Variants in PLEKHA7 observed in about 807,000 individuals in gnomAD.
PLEKHA7 encodes pleckstrin homology domain-containing family A member 7.
PLEKHA7 carries 104 observed loss-of-function variants against 170.0 expected under a neutral mutation model. The ratio of observed to expected loss-of-function variants is 0.61; its 90% CI spans 0.52 to 0.72. The LOEUF is 0.72. PLEKHA7 is among the 30% of genes least tolerant of loss of function. The pLI, the probability that PLEKHA7 is intolerant of heterozygous loss-of-function variation, is 0.00. For synonymous variants in PLEKHA7, 648 were observed against 660.8 expected (o/e 0.98, Z 0.30); for missense variants, 1,615 against 1,671.7 (o/e 0.97, Z 0.59).
chr11:16,962,857 A>G (rs775844295), intron 3 of PLEKHA7, among the ~76,000 whole-genome samples: 18 of 152,208 alleles, frequency 1.2e-4, no homozygotes, highest in Admixed American at 3.9e-4. Flanking sequence ...AACAACAACA[A>G]CAACAAAAAG....
chr11:16,780,650 C>T (rs189985232), intron 26 of PLEKHA7, among the ~76,000 whole-genome samples: 1 of 152,342 alleles, frequency 6.6e-6, no homozygotes, highest in Non-Finnish European at 1.5e-5. Flanking sequence ...GGGTGCCCTA[C>T]TGAGGAGAGC....
At chr11:16,905,017 C>T (rs1425156255) in intron 3 of PLEKHA7, among the ~76,000 whole-genome samples, 1 of 152,112 alleles carries the variant, frequency 6.6e-6, no homozygotes, top group Non-Finnish European at 1.5e-5. Context: ...CTTTGGAAGG[C>T]CAAAGTGGCA....
chr11:16,851,410 A>T (rs381163), intron 7 of PLEKHA7, 119 bp from the exon 8 acceptor site: 1 of 551,922 alleles, frequency 1.8e-6, no homozygotes, highest in African/African-American at 1.9e-5. Context: ...CCATCCTCCC[A>T]CAACCCACAC....
intron 4 of PLEKHA7, among the ~76,000 whole-genome samples, chr11:16,870,311 A>T (rs1590403434): frequency 6.6e-6 from 1 of 151,818 alleles, no homozygotes; most frequent in South Asian, 2.1e-4. Context: ...CCACACACAC[A>T]CTACACACAC....
chr11:16,803,011 C>T lies in PLEKHA7; in HGVS notation c.2118G>A (p.Gln706=). 7 of 1,614,202 alleles carry T rather than the reference C, an allele frequency of 4.3e-6. No homozygotes were observed. The highest frequency in any genetic ancestry group is 4.2e-6 in the Non-Finnish European group (5 of 1,180,034). Reference sequence around the variant, plus strand: ...GGGCTCGTATCTTGTCTTCCAAGTCCTGGAGGACCCTGTCTTGTTCACAGA... The same window carrying T: ...GGGCTCGTATCTTGTCTTCCAAGTCTTGGAGGACCCTGTCTTGTTCACAGA... ...SIFCEQDRVL[Q]DLEDKIRALK... Residue 706 remains glutamine, a synonymous_variant, in exon 15 of 27, where the codon CAG becomes CAA. Coordinates refer to ENST00000531066, the MANE Select transcript of PLEKHA7 (RefSeq NM_001329630.2).
At chr11:16,924,796 C>A (rs550444212) in intron 3 of PLEKHA7, among the ~76,000 whole-genome samples, 2 of 152,348 alleles carry the variant, frequency 1.3e-5, no homozygotes, top group East Asian at 3.9e-4. Context: ...CAGATTTCCT[C>A]TCTCCAGCTT....
intron 3 of PLEKHA7, among the ~76,000 whole-genome samples, chr11:16,924,148 G>C (rs1248900412): frequency 6.6e-6 from 1 of 152,030 alleles, no homozygotes; most frequent in Non-Finnish European, 1.5e-5. Flanking sequence ...AGGACACCTT[G>C]TACAACTATC....
chr11:16,826,386 G>A lies in PLEKHA7; in HGVS notation c.1077C>T (p.Ser359=). ...CTGGCGAGTACGGAGACCTGGCCTT[G>A]CTCCGGTCCCGCTTGCCCTCCAGTG... ...RDPLEGKRDR[S]KARSPYSPAE... The change falls in exon 10 of 27, where the codon AGC becomes AGT. Residue 359 remains serine, a synonymous_variant. Transcript: ENST00000531066. 1 of 1,614,242 alleles carries A rather than the reference G, an allele frequency of 6.2e-7. No homozygotes were observed. The highest frequency in any genetic ancestry group is 8.5e-7 in the Non-Finnish European group (1 of 1,180,052).
At chr11:16,946,753 C>A (rs1202604063) in intron 3 of PLEKHA7, among the ~76,000 whole-genome samples, 1 of 152,058 alleles carries the variant, frequency 6.6e-6, no homozygotes, top group Non-Finnish European at 1.5e-5. Flanking sequence ...TCTTAATGAG[C>A]TTTCTGTTAG....
In PLEKHA7 at chr11:16,852,148, G is replaced by A. The variant is rs959607746; in HGVS notation, c.595+135C>T. 5.6e-6 allele frequency: 4 copies of A among 713,836 alleles called. No individual in the cohort carries two copies. In the South Asian group the frequency reaches 8.6e-5, roughly 15 times the overall value. 44.2% of individuals were successfully genotyped at this position (713,836 alleles called of 1,614,324 possible). A position where few individuals can be genotyped will look rare whatever the true frequency, so the allele number is the denominator to read the frequency against. ...TGAATCCTGAGACCCTTAGTAGCAGGCAAACTGGATTCTATTTATTTTAAC... is the reference window on the plus strand; with the variant it reads ...TGAATCCTGAGACCCTTAGTAGCAGACAAACTGGATTCTATTTATTTTAAC... On this transcript the variant is annotated intron_variant, in intron 7 of 26. Coordinates refer to ENST00000531066, the MANE Select transcript of PLEKHA7 (RefSeq NM_001329630.2).
intron 3 of PLEKHA7, among the ~76,000 whole-genome samples, chr11:16,873,112 G>C (rs894207147): frequency 2.6e-5 from 4 of 152,126 alleles, no homozygotes; most frequent in African/African-American, 7.2e-5. Flanking sequence ...CTAGTACAGA[G>C]AGTTAAAATG....
chr11:16,985,143 C>T lies in PLEKHA7; in HGVS notation c.221+28846G>A, dbSNP rs74882542. On this transcript the variant is annotated intron_variant, in intron 3 of 26. Coordinates refer to ENST00000531066, the MANE Select transcript of PLEKHA7 (RefSeq NM_001329630.2). ...CCTTCAGAAGCCCTTGAGGCAGATGCCTCTGCCTCATTCATCTAAGAATGC... is the reference window on the plus strand; with the variant it reads ...CCTTCAGAAGCCCTTGAGGCAGATGTCTCTGCCTCATTCATCTAAGAATGC... Among the ~76,000 whole-genome samples, 911 of 152,350 alleles carry T rather than the reference C, an allele frequency of 6.0e-3. 9 individuals are homozygous for T. Among genetic ancestry groups the T allele is most frequent in the Middle Eastern group, 0.02 (6 of 294 alleles).
chr11:16,853,461 T>C (rs377114082), intron 6 of PLEKHA7, among the ~76,000 whole-genome samples: 58 of 152,354 alleles, frequency 3.8e-4, no homozygotes, highest in African/African-American at 1.3e-3. Context: ...TATGCTTCCA[T>C]GCCTGGTTCA....
At chr11:16,967,182 A>C (rs1232072371) in intron 3 of PLEKHA7, among the ~76,000 whole-genome samples, 2 of 152,214 alleles carry the variant, frequency 1.3e-5, no homozygotes, top group African/African-American at 2.4e-5. Flanking sequence ...GTTAAATTTC[A>C]GCTCAACAAC....
At chr11:17,010,564 C>A (rs1865265899) in intron 3 of PLEKHA7, among the ~76,000 whole-genome samples, 1 of 152,098 alleles carries the variant, frequency 6.6e-6, no homozygotes, top group African/African-American at 2.4e-5. Context: ...TATGATTGCA[C>A]CACTGCACTC....
chr11:16,902,393 C>T (rs905149942), intron 3 of PLEKHA7, among the ~76,000 whole-genome samples: 16 of 152,196 alleles, frequency 1.1e-4, no homozygotes, highest in African/African-American at 3.6e-4. Context: ...GGTAACTTTA[C>T]GTTTAACCTT....
At chr11:16,824,489 G>A (rs1055974788) in intron 10 of PLEKHA7, among the ~76,000 whole-genome samples, 2 of 152,246 alleles carry the variant, frequency 1.3e-5, no homozygotes, top group African/African-American at 2.4e-5. Flanking sequence ...TTGCATGCCT[G>A]TATCAAAAGA....
intron 3 of PLEKHA7, among the ~76,000 whole-genome samples, chr11:16,937,007 C>T (rs896448588): frequency 6.6e-6 from 1 of 152,220 alleles, no homozygotes; most frequent in Admixed American, 6.5e-5. Context: ...TCTCCCTCAT[C>T]TTTGAGGACT....
intron 3 of PLEKHA7, among the ~76,000 whole-genome samples, chr11:16,878,085 A>G (rs1855441573): frequency 1.3e-5 from 2 of 152,162 alleles, no homozygotes; most frequent in East Asian, 3.8e-4. Context: ...TAACATCACT[A>G]TGACCTTGGA....
Sources: gnomAD v4.1 joint callset for allele counts (sites outside exome capture counted in the v4.1 genomes callset) on GRCh38, gnomAD v4.1.1 for gene constraint, MANE v1.5 for transcripts, NCBI Gene and HGNC (gene_info 2026-07-23, HGNC 2026-07-21) for gene names.